FAM177A1: variants seen among roughly 807,000 people sequenced by gnomAD.
FAM177A1 encodes protein FAM177A1.
In FAM177A1, 22 loss-of-function variants were observed where a neutral mutation model predicts 26.1. That is an observed-to-expected ratio of 0.84 (90% confidence interval 0.60 to 1.20). FAM177A1 has a LOEUF of 1.20. FAM177A1 is among the 50% of genes most tolerant of loss of function. The probability of loss-of-function intolerance (pLI) is 0.00; values close to 1 mark genes in which losing one functional copy is unlikely to be tolerated. For synonymous variants in FAM177A1, 95 were observed against 99.3 expected (o/e 0.96, Z 0.26); for missense variants, 296 against 291.1 (o/e 1.02, Z -0.12).
At chr14:35,077,639 C>T (rs903373989) in intron 3 of FAM177A1, among the ~76,000 whole-genome samples, 4 of 151,832 alleles carry the variant, frequency 2.6e-5, no homozygotes, top group South Asian at 2.1e-4. Context: ...CCCGCCACCG[C>T]GCCCGGCTAA....
intron 1 of FAM177A1, among the ~76,000 whole-genome samples, chr14:35,049,102 G>C (rs1477731897): frequency 6.6e-6 from 1 of 151,988 alleles, no homozygotes; most frequent in Non-Finnish European, 1.5e-5. Flanking sequence ...TCTTGGTCAG[G>C]CTGGTCTTGA....
At chr14:35,069,280 A>G (rs2045282865) in intron 2 of FAM177A1, among the ~76,000 whole-genome samples, 1 of 146,022 alleles carries the variant, frequency 6.8e-6, no homozygotes, top group Non-Finnish European at 1.5e-5. Flanking sequence ...TATCCATTGG[A>G]GTAGGTTTTT....
At chr14:35,056,870 A>C (rs1275424405) in intron 2 of FAM177A1, among the ~76,000 whole-genome samples, 1 of 152,056 alleles carries the variant, frequency 6.6e-6, no homozygotes, top group East Asian at 1.9e-4. Context: ...GTAGTATTTC[A>C]TTATGATTCT....
intron 1 of FAM177A1, among the ~76,000 whole-genome samples, chr14:35,049,541 T>C (rs1482291350): frequency 6.6e-6 from 1 of 152,162 alleles, no homozygotes; most frequent in Non-Finnish European, 1.5e-5. Context: ...CCCAGCACTT[T>C]GGAAGGCTGA....
chr14:35,066,668 G>A (rs2045246028), intron 2 of FAM177A1, among the ~76,000 whole-genome samples: 1 of 152,040 alleles, frequency 6.6e-6, no homozygotes, highest in South Asian at 2.1e-4. Flanking sequence ...GCCTCCCAAA[G>A]TGCTGGGATT....
upstream of FAM177A1, among the ~76,000 whole-genome samples, chr14:35,045,632 T>C (rs2044848422): frequency 6.6e-6 from 1 of 152,224 alleles, no homozygotes; most frequent in Admixed American, 6.5e-5. Context: ...ACCATTTACC[T>C]GCAGAACCTC....
At chr14:35,065,696 A>AT (rs35125485) in intron 2 of FAM177A1, among the ~76,000 whole-genome samples, 82,802 of 138,896 alleles carry the variant, frequency 0.6, 25,198 homozygotes, top group East Asian at 0.74. Context: ...ATAAGAAGCA[A>AT]TTTTTTTTTT....
At chr14:35,053,666 A>G (rs1250139601) in intron 2 of FAM177A1, among the ~76,000 whole-genome samples, 1 of 152,142 alleles carries the variant, frequency 6.6e-6, no homozygotes, top group Non-Finnish European at 1.5e-5. Context: ...CTTGTTTTTC[A>G]GTGTCAGAGT....
chr14:35,047,754 G>GCAA (rs141401661), intron 1 of FAM177A1, among the ~76,000 whole-genome samples: 76 of 134,226 alleles, frequency 5.7e-4, no homozygotes, highest in South Asian at 1.5e-3. Flanking sequence ...TCTCAAAACA[G>GCAA]CAACAACAAC....
At chr14:35,047,828 C>G (rs2044898053) in intron 1 of FAM177A1, among the ~76,000 whole-genome samples, 1 of 152,126 alleles carries the variant, frequency 6.6e-6, no homozygotes, top group Non-Finnish European at 1.5e-5. Context: ...TCTTCCCATC[C>G]TCCATGAGAA....
At chr14:35,077,314 A>G (rs1018493315) in intron 3 of FAM177A1, 98 bp downstream of exon 3, 3 of 1,088,168 alleles carry the variant, frequency 2.8e-6, no homozygotes, top group African/African-American at 1.5e-5. Context: ...AGGAGAAACA[A>G]TAGGGAGTTA....
rs558742574 is a variant in FAM177A1, at chr14:35,079,745, C to T, written c.504+721C>T. ...TGTTTAGAACAGCACCTAGTGAGCA[C>T]AACAAATATTGGCATCTGCTATTCT... On this transcript the variant is annotated intron_variant, in intron 4 of 4. Coordinates refer to ENST00000280987, the MANE Select transcript of FAM177A1 (RefSeq NM_173607.5). Among the ~76,000 whole-genome samples the T allele has an allele frequency of 2.3e-4, 35 of 152,202 alleles. 1 individual carries two copies. The South Asian group carries it at 6.6e-3, about 29-fold the overall frequency.
chr14:35,056,346 ATTT>A, intron 2 of FAM177A1, among the ~76,000 whole-genome samples: 1 of 149,002 alleles, frequency 6.7e-6, no homozygotes, highest in Middle Eastern at 3.6e-3. Flanking sequence ...ACTATTTTTT[ATTT>A]TTTATTTTTT....
At chr14:35,052,872 T>C (rs2138528269) in intron 1 of FAM177A1, among the ~76,000 whole-genome samples, 1 of 152,182 alleles carries the variant, frequency 6.6e-6, no homozygotes, top group African/African-American at 2.4e-5. Flanking sequence ...CAGTGAGCCG[T>C]GATTGCACTA....
intron 2 of FAM177A1, among the ~76,000 whole-genome samples, chr14:35,056,603 C>T (rs2045065709): frequency 6.6e-6 from 1 of 152,174 alleles, no homozygotes; most frequent in Non-Finnish European, 1.5e-5. Context: ...AAATGATCCC[C>T]TGTCTCAGCC....
At chr14:35,079,891 A>C (rs756960532) in intron 4 of FAM177A1, among the ~76,000 whole-genome samples, 1 of 152,186 alleles carries the variant, frequency 6.6e-6, no homozygotes, top group Non-Finnish European at 1.5e-5. Flanking sequence ...CATAAGGTAC[A>C]ATGTGGGAGT....
At chr14:35,051,281 A>G (rs1190472108) in intron 1 of FAM177A1, among the ~76,000 whole-genome samples, 1 of 151,936 alleles carries the variant, frequency 6.6e-6, no homozygotes, top group Non-Finnish European at 1.5e-5. Flanking sequence ...CACCACGCCC[A>G]GCTAATTTTT....
At chr14:35,053,543 T>C (rs751911195) in intron 2 of FAM177A1, 92 bp downstream of exon 2, 13 of 1,116,556 alleles carry the variant, frequency 1.2e-5, no homozygotes, top group Non-Finnish European at 1.7e-5. Flanking sequence ...CCTTTTGAGG[T>C]TTAAATCAAC....
At chr14:35,061,978 A>G (rs767860333) in intron 2 of FAM177A1, among the ~76,000 whole-genome samples, 14 of 152,032 alleles carry the variant, frequency 9.2e-5, no homozygotes, top group Non-Finnish European at 1.5e-4. Flanking sequence ...GGCCTCAGTA[A>G]TAGATGAGAA....
Sources: gnomAD v4.1 joint callset for allele counts (sites outside exome capture counted in the v4.1 genomes callset) on GRCh38, gnomAD v4.1.1 for gene constraint, MANE v1.5 for transcripts, NCBI Gene and HGNC (gene_info 2026-07-23, HGNC 2026-07-21) for gene names.